TBCA: variants seen among roughly 807,000 people sequenced by gnomAD.
The protein encoded by TBCA is tubulin folding cofactor A.
Under a neutral mutation model 15.8 loss-of-function variants are expected in TBCA, and 6 were observed. The observed-to-expected ratio is 0.38, with a 90% CI of 0.21 to 0.75. The LOEUF (loss-of-function observed/expected upper bound fraction) is 0.75, where lower values mean the gene tolerates loss of function less well. TBCA is among the 30% of genes least tolerant of loss of function. The pLI, the probability that TBCA is intolerant of heterozygous loss-of-function variation, is 0.46. For missense variants in TBCA, 90 were observed against 131.2 expected (o/e 0.69, Z 1.53); for synonymous variants, 32 against 42.3 (o/e 0.76, Z 0.94).
At chr5:77,713,913 T>TA (rs1554043896) in intron 1 of TBCA, among the ~76,000 whole-genome samples, 4 of 148,444 alleles carry the variant, frequency 2.7e-5, no homozygotes, top group Middle Eastern at 7.1e-3. Flanking sequence ...ATTTTTTTTT[T>TA]AAAAGAATAA....
At chr5:77,745,128 GTGT>G (rs1006003200) in intron 1 of TBCA, among the ~76,000 whole-genome samples, 38 of 152,260 alleles carry the variant, frequency 2.5e-4, no homozygotes, top group African/African-American at 8.2e-4. Flanking sequence ...TCAACTAATG[GTGT>G]TGTTCCCATG....
At chr5:77,766,892 T>C (rs572872438) in intron 1 of TBCA, among the ~76,000 whole-genome samples, 3 of 152,300 alleles carry the variant, frequency 2.0e-5, no homozygotes, top group Non-Finnish European at 1.5e-5. Context: ...CTTAGCTCAA[T>C]TGACAAATAT....
chr5:77,710,551 AT>A (rs1746255463), intron 1 of TBCA, among the ~76,000 whole-genome samples: 1 of 152,208 alleles, frequency 6.6e-6, no homozygotes, highest in Non-Finnish European at 1.5e-5. Context: ...TTTAAAAAAA[AT>A]GTTGTCACAT....
chr5:77,770,929 A>G (rs904573204), intron 1 of TBCA, among the ~76,000 whole-genome samples: 2 of 152,028 alleles, frequency 1.3e-5, no homozygotes, highest in Non-Finnish European at 2.9e-5. Flanking sequence ...TGAGGTCAGG[A>G]GTTCAAGATC....
At position 77,720,479 on chromosome 5, in the gene TBCA, C is replaced by T. The variant is rs569639091; in HGVS notation, c.54-12132G>A. Among the ~76,000 whole-genome samples, 11 of 152,112 alleles carry T rather than the reference C, an allele frequency of 7.2e-5. No individual in the cohort carries two copies. In the South Asian group the frequency reaches 1.5e-3, roughly 20 times the overall value. ...CTGTAATCCCAGCACTTTGGGAGGCCGAGGTGGGTGGATCACCTGAGGTCA... is the reference window on the plus strand; with the variant it reads ...CTGTAATCCCAGCACTTTGGGAGGCTGAGGTGGGTGGATCACCTGAGGTCA... On this transcript the variant is annotated intron_variant, in intron 1 of 3. Transcript: ENST00000380377.
At chr5:77,753,143 A>G (rs71578809) in intron 1 of TBCA, among the ~76,000 whole-genome samples, 12,180 of 132,296 alleles carry the variant, frequency 0.092, 638 homozygotes, top group South Asian at 0.15. Flanking sequence ...AGTGGGGGAG[A>G]AAAAAAAATG....
At chr5:77,740,187 G>A (rs779096173) in intron 1 of TBCA, among the ~76,000 whole-genome samples, 1 of 152,174 alleles carries the variant, frequency 6.6e-6, no homozygotes. Flanking sequence ...CACAGGAGAA[G>A]AGCAGCAAAG....
chr5:77,691,740 T>TA (rs1488010352), intron 3 of TBCA: 11 of 1,156,834 alleles, frequency 9.5e-6, no homozygotes, highest in African/African-American at 1.6e-5. Flanking sequence ...AATAAGTGAA[T>TA]AACAGTCTTC....
At chr5:77,773,312 CT>C (rs1747952970) in intron 1 of TBCA, among the ~76,000 whole-genome samples, 1 of 151,136 alleles carries the variant, frequency 6.6e-6, no homozygotes, top group African/African-American at 2.4e-5. Context: ...TGCATTGCCA[CT>C]AACTAGTAGT....
chr5:77,763,641 T>A (rs1047631151), intron 1 of TBCA, among the ~76,000 whole-genome samples: 1 of 152,192 alleles, frequency 6.6e-6, no homozygotes, highest in African/African-American at 2.4e-5. Context: ...TCTCCAGATC[T>A]CTTCCCACCA....
At chr5:77,755,683 A>G (rs1179035992) in intron 1 of TBCA, among the ~76,000 whole-genome samples, 3 of 152,132 alleles carry the variant, frequency 2.0e-5, no homozygotes, top group Non-Finnish European at 4.4e-5. Flanking sequence ...TTCCATTTAT[A>G]TAACCATTTG....
At chr5:77,759,875 C>T (rs1411590213) in intron 1 of TBCA, among the ~76,000 whole-genome samples, 1 of 152,050 alleles carries the variant, frequency 6.6e-6, no homozygotes, top group Non-Finnish European at 1.5e-5. Flanking sequence ...ATTCAGAATT[C>T]CAACTTAGAT....
chr5:77,763,288 G>A (rs1268828687), intron 1 of TBCA, among the ~76,000 whole-genome samples: 1 of 151,934 alleles, frequency 6.6e-6, no homozygotes, highest in Non-Finnish European at 1.5e-5. Flanking sequence ...AAAAAGACAA[G>A]CAAAACAATT....
chr5:77,723,124 TATA>T (rs1746561121), intron 1 of TBCA, among the ~76,000 whole-genome samples: 1 of 151,818 alleles, frequency 6.6e-6, no homozygotes, highest in Non-Finnish European at 1.5e-5. Flanking sequence ...ATAGTAACAT[TATA>T]ATGGCTGATG....
intron 1 of TBCA, among the ~76,000 whole-genome samples, chr5:77,770,523 C>T (rs35468303): frequency 0.11 from 16,881 of 151,992 alleles, 1,014 homozygotes; most frequent in African/African-American, 0.13. Flanking sequence ...CTGGGAAACC[C>T]CTCAGTCTCA....
At chr5:77,739,052 G>A (rs756406659) in intron 1 of TBCA, among the ~76,000 whole-genome samples, 4 of 152,212 alleles carry the variant, frequency 2.6e-5, no homozygotes, top group Non-Finnish European at 5.9e-5. Context: ...ATCATAAGTA[G>A]TAAATATAAG....
intron 1 of TBCA, among the ~76,000 whole-genome samples, chr5:77,775,853 G>A (rs1748008541): frequency 6.6e-6 from 1 of 152,194 alleles, no homozygotes; most frequent in South Asian, 2.1e-4. Flanking sequence ...GCAAGGAGAG[G>A]CCGGCGCGCG....
intron 1 of TBCA, among the ~76,000 whole-genome samples, chr5:77,721,501 T>G (rs1746527335): frequency 6.6e-6 from 1 of 151,658 alleles, no homozygotes; most frequent in Non-Finnish European, 1.5e-5. Context: ...CAGAAAAACT[T>G]AAGAGTTACA....
chr5:77,758,482 T>C (rs530116919), intron 1 of TBCA, among the ~76,000 whole-genome samples: 2 of 152,182 alleles, frequency 1.3e-5, no homozygotes, highest in Non-Finnish European at 2.9e-5. Flanking sequence ...TGTGAGCCCT[T>C]AAAAGGGACA....
Sources: allele counts gnomAD v4.1 joint callset (sites outside exome capture counted in the v4.1 genomes callset), GRCh38; gene constraint gnomAD v4.1.1; transcripts MANE v1.5; gene names NCBI Gene and HGNC (gene_info 2026-07-23, HGNC 2026-07-21).